Variants in NAALADL2 observed in about 807,000 individuals in gnomAD.
NAALADL2 encodes N-acetylated alpha-linked acidic dipeptidase like 2.
In NAALADL2, 76 loss-of-function variants were observed where a neutral mutation model predicts 87.2. That is an observed-to-expected ratio of 0.87 (90% CI 0.72 to 1.05). The LOEUF (loss-of-function observed/expected upper bound fraction) is 1.05. Among genes scored for constraint, NAALADL2 ranks in the 50% least tolerant of loss-of-function variants. The probability of loss-of-function intolerance (pLI) is 0.00; values close to 1 mark genes in which losing one functional copy is unlikely to be tolerated. For synonymous variants in NAALADL2, 354 were observed against 331.0 expected (o/e 1.07, Z -0.75); for missense variants, 1,089 against 945.8 (o/e 1.15, Z -1.99).
At chr3:174,557,764 G>T (rs1045717164) in intron 2 of NAALADL2, among the ~76,000 whole-genome samples, 1 of 152,070 alleles carries the variant, frequency 6.6e-6, no homozygotes, top group Non-Finnish European at 1.5e-5. Flanking sequence ...CCCGAAGTTT[G>T]ATGATTTGCT....
intron 2 of NAALADL2, among the ~76,000 whole-genome samples, chr3:175,127,242 C>T (rs921372534): frequency 1.3e-5 from 2 of 152,110 alleles, no homozygotes; most frequent in Non-Finnish European, 2.9e-5. Flanking sequence ...CCGCTACCCC[C>T]CAAAGTGAAG....
intron 5 of NAALADL2, among the ~76,000 whole-genome samples, chr3:175,354,977 T>C (rs950422260): frequency 6.7e-6 from 1 of 149,844 alleles, no homozygotes; most frequent in Non-Finnish European, 1.5e-5. Context: ...TTTTTAAATA[T>C]ATAATTTTTC....
chr3:174,454,668 A>G (rs1016976633), intron 1 of NAALADL2, among the ~76,000 whole-genome samples: 1 of 152,202 alleles, frequency 6.6e-6, no homozygotes, highest in Admixed American at 6.5e-5. Flanking sequence ...TAAGGCAGAA[A>G]TCAAGTTCTT....
intron 1 of NAALADL2, among the ~76,000 whole-genome samples, chr3:174,913,751 A>C (rs892016210): frequency 1.3e-5 from 2 of 152,168 alleles, no homozygotes; most frequent in African/African-American, 2.4e-5. Flanking sequence ...TTCTTTCTCT[A>C]TATCTGCTGA....
chr3:174,738,321 C>G (rs1320013013), intron 3 of NAALADL2, among the ~76,000 whole-genome samples: 1 of 152,100 alleles, frequency 6.6e-6, no homozygotes, highest in African/African-American at 2.4e-5. Flanking sequence ...AACATAGAAC[C>G]AAGAGCTGAG....
intron 3 of NAALADL2, among the ~76,000 whole-genome samples, chr3:174,779,321 G>GT (rs530671006): frequency 2.7e-4 from 37 of 138,380 alleles, no homozygotes; most frequent in Non-Finnish European, 3.1e-4. Flanking sequence ...CTTTTGATGG[G>GT]GTTGTTTTTT....
At chr3:175,734,707 T>C (rs1210368394) in intron 11 of NAALADL2, among the ~76,000 whole-genome samples, 1 of 152,190 alleles carries the variant, frequency 6.6e-6, no homozygotes, top group Non-Finnish European at 1.5e-5. Context: ...TTGGCCCATT[T>C]TAGTCAAGGC....
chr3:174,960,813 A>G (rs755692569), intron 1 of NAALADL2, among the ~76,000 whole-genome samples: 2 of 151,860 alleles, frequency 1.3e-5, no homozygotes, highest in Non-Finnish European at 2.9e-5. Context: ...TTTTAAAAGA[A>G]TAAAATCAAA....
chr3:175,764,400 G>A (rs1171813468), intron 13 of NAALADL2, among the ~76,000 whole-genome samples: 2 of 151,420 alleles, frequency 1.3e-5, no homozygotes, highest in Non-Finnish European at 3.0e-5. Flanking sequence ...ATATACATGT[G>A]CATGCCTTTG....
intron 3 of NAALADL2, among the ~76,000 whole-genome samples, chr3:174,818,706 T>G (rs1018752664): frequency 1.3e-5 from 2 of 152,084 alleles, no homozygotes; most frequent in Non-Finnish European, 2.9e-5. Context: ...GTAAAAAGAT[T>G]TAGATACAGA....
At chr3:175,491,366 C>A (rs1728078134) in intron 9 of NAALADL2, among the ~76,000 whole-genome samples, 1 of 151,766 alleles carries the variant, frequency 6.6e-6, no homozygotes, top group Non-Finnish European at 1.5e-5. Context: ...TGTCTCCCCA[C>A]TTTTCAATCT....
At chr3:174,882,780 CAT>C (rs771050950) in intron 1 of NAALADL2, among the ~76,000 whole-genome samples, 16 of 105,204 alleles carry the variant, frequency 1.5e-4, no homozygotes, top group South Asian at 1.2e-3. Context: ...TGTATATATA[CAT>C]ATGTGTATAT....
chr3:175,318,352 G>C (rs919728995), intron 4 of NAALADL2, among the ~76,000 whole-genome samples: 7 of 151,892 alleles, frequency 4.6e-5, no homozygotes, highest in Non-Finnish European at 7.4e-5. Flanking sequence ...ACTATTTCTT[G>C]ACAGAAAAAA....
intron 1 of NAALADL2, among the ~76,000 whole-genome samples, chr3:174,892,453 CAAAA>C (rs1011859712): frequency 6.6e-5 from 10 of 151,000 alleles, no homozygotes; most frequent in South Asian, 2.1e-4. Flanking sequence ...AACAAACAAA[CAAAA>C]AAGACAAAAA....
chr3:175,684,652 A>G lies in NAALADL2; in HGVS notation c.1897-52654A>G, dbSNP rs185186374. On this transcript the variant is annotated intron_variant, in intron 11 of 13. Coordinates refer to ENST00000454872, the MANE Select transcript of NAALADL2 (RefSeq NM_207015.3). ...CTACTAAACAAACAAACAAACAAAT[A>G]AATAGTTGGGTCTGGTGATATGTGC... Among the ~76,000 whole-genome samples, 221 of 152,070 alleles carry G rather than the reference A, an allele frequency of 1.5e-3. 1 individual carries two copies. The highest frequency in any genetic ancestry group is 4.9e-3 in the African/African-American group (205 of 41,482).
intron 10 of NAALADL2, among the ~76,000 whole-genome samples, chr3:175,599,168 G>A (rs191488325): frequency 3.1e-4 from 47 of 152,104 alleles, no homozygotes; most frequent in African/African-American, 1.1e-3. Flanking sequence ...ATTTACGCTG[G>A]CATATAGGTA....
At chr3:175,695,970 T>C (rs1026471781) in intron 11 of NAALADL2, among the ~76,000 whole-genome samples, 1 of 152,134 alleles carries the variant, frequency 6.6e-6, no homozygotes, top group Non-Finnish European at 1.5e-5. Context: ...GTATGCAAAA[T>C]AGAAAACAAA....
intron 1 of NAALADL2, among the ~76,000 whole-genome samples, chr3:174,959,145 A>G (rs959523636): frequency 6.6e-6 from 1 of 152,004 alleles, no homozygotes; most frequent in South Asian, 2.1e-4. Flanking sequence ...AGACATTAGA[A>G]TGCTGCAAGT....
intron 1 of NAALADL2, among the ~76,000 whole-genome samples, chr3:174,878,948 A>G (rs1475988805): frequency 6.6e-6 from 1 of 152,114 alleles, no homozygotes; most frequent in Non-Finnish European, 1.5e-5. Flanking sequence ...ATACTTGTAT[A>G]AAATTCTGTA....
Sources: allele counts gnomAD v4.1 joint callset (sites outside exome capture counted in the v4.1 genomes callset), GRCh38; gene constraint gnomAD v4.1.1; transcripts MANE v1.5; gene names NCBI Gene and HGNC (gene_info 2026-07-23, HGNC 2026-07-21).